The following IL1RAPL2 variants were observed in gnomAD, a reference collection of about 807,000 sequenced individuals.
IL1RAPL2 encodes interleukin 1 receptor accessory protein like 2, also known as X-linked interleukin-1 receptor accessory protein-like 2.
IL1RAPL2 carries 3 observed loss-of-function variants against 44.1 expected under a neutral mutation model. The observed-to-expected ratio is 0.07, with a 90% CI of 0.03 to 0.18. IL1RAPL2 has a LOEUF of 0.18. Ranked by LOEUF, IL1RAPL2 falls within the 10% of genes least tolerant of loss-of-function variation. IL1RAPL2 has a pLI of 1.00. For missense variants in IL1RAPL2, 391 were observed against 496.4 expected (o/e 0.79, Z 2.02); for synonymous variants, 181 against 178.8 (o/e 1.01, Z -0.10).
chrX:105,576,043 T>A (rs1029725122), intron 6 of IL1RAPL2, among the ~76,000 whole-genome samples: 3 of 111,693 alleles, frequency 2.7e-5, no homozygotes, highest in African/African-American at 9.8e-5. Flanking sequence ...AAATTTAAGT[T>A]CCTTATACAT....
In IL1RAPL2 at chrX:105,253,733, G is replaced by A. The variant is rs528495026; in HGVS notation, c.544-13655G>A. 4.5e-5 allele frequency among the ~76,000 whole-genome samples: 5 copies of A among 111,357 alleles called. No individual in the cohort carries two copies. In the South Asian group the frequency reaches 1.5e-3, roughly 34 times the overall value. Reference sequence around the variant, plus strand: ...CACCTTCAAGTAGACCCCAGTGTCTGTTGTTTTCTTCTTTGTGTTCATATG... The same window carrying A: ...CACCTTCAAGTAGACCCCAGTGTCTATTGTTTTCTTCTTTGTGTTCATATG... On this transcript the variant is annotated intron_variant, in intron 4 of 10. Coordinates refer to ENST00000372582, the MANE Select transcript of IL1RAPL2 (RefSeq NM_017416.2).
chrX:104,808,146 T>A (rs950978672), intron 2 of IL1RAPL2, among the ~76,000 whole-genome samples: 1 of 112,578 alleles, frequency 8.9e-6, no homozygotes, highest in Non-Finnish European at 1.9e-5. Context: ...AATTATTAGA[T>A]GTTTACTTAT....
At chrX:104,830,443 A>C (rs768352193) in intron 2 of IL1RAPL2, among the ~76,000 whole-genome samples, 7 of 111,827 alleles carry the variant, frequency 6.3e-5, no homozygotes, top group Admixed American at 2.9e-4. Flanking sequence ...CAGTGTTTTT[A>C]TTCAAGATAT....
At chrX:105,600,476 CATTATTT>C (rs2037242542) in intron 6 of IL1RAPL2, among the ~76,000 whole-genome samples, 1 of 108,656 alleles carries the variant, frequency 9.2e-6, no homozygotes, top group African/African-American at 3.3e-5. Flanking sequence ...CAAACGAATT[CATTATTT>C]ATTAATCTTA....
chrX:104,795,571 A>T (rs1409733393), intron 2 of IL1RAPL2, among the ~76,000 whole-genome samples: 1 of 111,262 alleles, frequency 9.0e-6, no homozygotes, highest in East Asian at 2.8e-4. Flanking sequence ...AAAGGGGGCA[A>T]CTGTAGCTTT....
chrX:105,318,041 C>G (rs1182006589), intron 5 of IL1RAPL2, among the ~76,000 whole-genome samples: 3 of 107,671 alleles, frequency 2.8e-5, no homozygotes, highest in Admixed American at 1.0e-4. Context: ...GGCGCGATCT[C>G]GGCTCACTGC....
At position 105,302,923 on chromosome X, in the gene IL1RAPL2, G is replaced by A. The variant is rs965393578; in HGVS notation, c.697+35382G>A. On this transcript the variant is annotated intron_variant, in intron 5 of 10. Transcript: ENST00000372582. ...GCTTGTTGAGACTTAGCTTCTGACC[G>A]CTGGGTTGGATGATTTGCCCCTGGC... is the stretch of plus-strand genomic sequence containing the variant. Among the ~76,000 whole-genome samples, 21 of 112,004 alleles carry A rather than the reference G, an allele frequency of 1.9e-4. 1 individual carries two copies. Among genetic ancestry groups the A allele is most frequent in the Non-Finnish European group, 3.8e-5 (2 of 53,173 alleles).
intron 2 of IL1RAPL2, among the ~76,000 whole-genome samples, chrX:105,060,532 G>A (rs2032058026): frequency 1.0e-5 from 1 of 98,292 alleles, no homozygotes; most frequent in Non-Finnish European, 2.1e-5. Flanking sequence ...TTGCATCAAT[G>A]TTTATTAGGG....
intron 2 of IL1RAPL2, among the ~76,000 whole-genome samples, chrX:104,893,505 C>T (rs916094429): frequency 8.9e-4 from 100 of 111,742 alleles, no homozygotes; most frequent in Non-Finnish European, 1.4e-3. Flanking sequence ...GGATAGTTAG[C>T]TCTTCTTGTT....
At chrX:105,082,145 A>G (rs1182391807) in intron 2 of IL1RAPL2, among the ~76,000 whole-genome samples, 2 of 111,367 alleles carry the variant, frequency 1.8e-5, no homozygotes, top group African/African-American at 3.3e-5. Flanking sequence ...TACTGCCTCA[A>G]TTTCAGAACT....
chrX:105,312,360 G>C (rs1025844881), intron 5 of IL1RAPL2, among the ~76,000 whole-genome samples: 2 of 111,806 alleles, frequency 1.8e-5, no homozygotes, highest in African/African-American at 6.5e-5. Flanking sequence ...AGATACCTGT[G>C]AATTATTTGT....
chrX:104,582,598 T>C (rs6523784), intron 1 of IL1RAPL2, among the ~76,000 whole-genome samples: 6,882 of 28,504 alleles, frequency 0.24, 408 homozygotes, highest in Admixed American at 0.38. Flanking sequence ...TTCTTTCTTT[T>C]TCTTTCTTTC....
chrX:104,613,788 C>A (rs1401600342), intron 1 of IL1RAPL2, among the ~76,000 whole-genome samples: 1 of 103,914 alleles, frequency 9.6e-6, no homozygotes, highest in African/African-American at 3.5e-5. Flanking sequence ...GGATGTAAAT[C>A]CATCAGGTCC....
intron 2 of IL1RAPL2, among the ~76,000 whole-genome samples, chrX:105,127,507 A>G (rs1041016844): frequency 4.5e-5 from 5 of 111,038 alleles, no homozygotes; most frequent in African/African-American, 1.6e-4. Flanking sequence ...TTAGGATTGG[A>G]AGAAACAGAA....
chrX:105,517,242 A>G (rs2036521405), intron 6 of IL1RAPL2, among the ~76,000 whole-genome samples: 1 of 111,891 alleles, frequency 8.9e-6, no homozygotes, highest in Non-Finnish European at 1.9e-5. Context: ...TAGTGTTAGT[A>G]GAAAAGACAA....
chrX:105,147,080 G>T (rs1283324974), intron 2 of IL1RAPL2, among the ~76,000 whole-genome samples: 3 of 111,209 alleles, frequency 2.7e-5, no homozygotes, highest in Non-Finnish European at 5.7e-5. Flanking sequence ...GGATGTCAGG[G>T]TTTAGTCCTC....
At chrX:104,694,546 A>G (rs1199691108) in intron 2 of IL1RAPL2, among the ~76,000 whole-genome samples, 1 of 111,971 alleles carries the variant, frequency 8.9e-6, no homozygotes, top group African/African-American at 3.2e-5. Flanking sequence ...TCTAGAAATG[A>G]GAGGGGTAAT....
At chrX:104,793,931 T>C (rs1330960426) in intron 2 of IL1RAPL2, among the ~76,000 whole-genome samples, 1 of 111,439 alleles carries the variant, frequency 9.0e-6, no homozygotes. Flanking sequence ...GGGATTTGTC[T>C]TGGAGCTGCT....
intron 1 of IL1RAPL2, among the ~76,000 whole-genome samples, chrX:104,633,139 A>T (rs1254487168): frequency 9.0e-6 from 1 of 111,538 alleles, no homozygotes; most frequent in African/African-American, 3.3e-5. Context: ...ATGCTGGATT[A>T]TGTTTATTGT....
Sources: allele counts gnomAD v4.1 joint callset (sites outside exome capture counted in the v4.1 genomes callset), GRCh38; gene constraint gnomAD v4.1.1; transcripts MANE v1.5; gene names NCBI Gene and HGNC (gene_info 2026-07-23, HGNC 2026-07-21).